SLC67A1: variants seen among roughly 807,000 people sequenced by gnomAD.
SLC67A1 encodes solute carrier family 67 member A1.
At chr11:2,912,738 G>A in the SLC67A1 span, among the ~76,000 whole-genome samples, 2 of 152,198 alleles carry the variant, frequency 1.3e-5, no homozygotes, top group South Asian at 2.1e-4. Flanking sequence ...CTGCACACAC[G>A]CTGGGTGGGG....
chr11:2,913,873 A>T, the SLC67A1 span, among the ~76,000 whole-genome samples: 3 of 152,156 alleles, frequency 2.0e-5, no homozygotes, highest in Non-Finnish European at 4.4e-5. Flanking sequence ...AGAAGCCCAG[A>T]CTTCAGCAGA....
At chr11:2,907,522 G>T in the SLC67A1 span, among the ~76,000 whole-genome samples, 1 of 152,166 alleles carries the variant, frequency 6.6e-6, no homozygotes, top group South Asian at 2.1e-4. The surrounding 1 kb of genome is among the most constrained non-coding windows in gnomAD (Gnocchi z 6.7). Flanking sequence ...TTAGATCAGG[G>T]CCCTCCCTCA....
the SLC67A1 span, chr11:2,925,199 C>G: frequency 6.2e-7 from 1 of 1,611,728 alleles, no homozygotes; most frequent in African/African-American, 1.3e-5. The surrounding 1 kb of genome is among the most constrained non-coding windows in gnomAD (Gnocchi z 6.5). Flanking sequence ...GTCCGGTGAC[C>G]GCTGCCCAGA....
chr11:2,902,391 G>T, the SLC67A1 span: 277 of 161,358 alleles, frequency 1.7e-3, no homozygotes, highest in Middle Eastern at 9.4e-3. Context: ...CGGAGAGGGC[G>T]GCCTCTGAGC....
chr11:2,904,914 G>A, the SLC67A1 span, among the ~76,000 whole-genome samples: 3 of 152,194 alleles, frequency 2.0e-5, no homozygotes, highest in Admixed American at 1.3e-4. Context: ...AAAGAACTCC[G>A]GGCTGGTGAT....
the SLC67A1 span, chr11:2,903,075 C>T: frequency 1.5e-5 from 9 of 605,948 alleles, no homozygotes; most frequent in East Asian, 1.4e-4. Flanking sequence ...CCCTGTCTCC[C>T]CTCCCCGGGA....
At chr11:2,909,226 G>A in the SLC67A1 span, 8 of 1,539,228 alleles carry the variant, frequency 5.2e-6, no homozygotes, top group Non-Finnish European at 7.0e-6. Flanking sequence ...CGCGGGCGGC[G>A]CTCACGCTCT....
chr11:2,908,110 AC>A, the SLC67A1 span: 1 of 655,784 alleles, frequency 1.5e-6, no homozygotes, highest in African/African-American at 1.8e-5. Flanking sequence ...CGATGGTCAT[AC>A]TGTGCAGTCA....
At chr11:2,903,028 C>T in the SLC67A1 span, 1 of 371,738 alleles carries the variant, frequency 2.7e-6, no homozygotes, top group East Asian at 5.0e-5. Flanking sequence ...AGGCACTGAG[C>T]CTGGCCCACC....
chr11:2,903,353 G>A, the SLC67A1 span: 4 of 1,612,840 alleles, frequency 2.5e-6, no homozygotes, highest in Non-Finnish European at 3.4e-6. Context: ...AGGATGCAGG[G>A]AGCTCGGGCT....
the SLC67A1 span, chr11:2,922,163 G>A: frequency 3.4e-4 from 549 of 1,613,618 alleles, 2 homozygotes; most frequent in African/African-American, 5.0e-3. Flanking sequence ...GTGCTGCTCC[G>A]GGCCAGCGTG....
chr11:2,903,089 T>G, the SLC67A1 span: 1 of 700,602 alleles, frequency 1.4e-6, no homozygotes. Context: ...CCCGGGAGGC[T>G]GTGTGCCTGG....
chr11:2,924,991 A>AC, the SLC67A1 span: 4 of 1,590,774 alleles, frequency 2.5e-6, no homozygotes, highest in East Asian at 2.2e-5. This position sits in a 1 kb window ranked among gnomAD's most constrained non-coding sequence, Gnocchi z 8.6. Context: ...GGGCCTGACT[A>AC]CCCCCATGCA....
chr11:2,911,688 C>T, the SLC67A1 span, among the ~76,000 whole-genome samples: 1 of 152,146 alleles, frequency 6.6e-6, no homozygotes, highest in African/African-American at 2.4e-5. Flanking sequence ...TGCCCTTACT[C>T]ACCCACAACG....
chr11:2,911,711 T>C, the SLC67A1 span, among the ~76,000 whole-genome samples: 1 of 151,882 alleles, frequency 6.6e-6, no homozygotes, highest in African/African-American at 2.4e-5. Flanking sequence ...GCTGGGAGGG[T>C]CCGAGCTCGC....
chr11:2,922,416 GC>G, the SLC67A1 span: 2 of 1,606,226 alleles, frequency 1.2e-6, no homozygotes, highest in Admixed American at 3.4e-5. Flanking sequence ...ACTCAGCTCG[GC>G]CCCCGCCTGC....
chr11:2,921,943 G>C, the SLC67A1 span: 45 of 668,980 alleles, frequency 6.7e-5, 1 homozygote, highest in East Asian at 1.1e-3. Flanking sequence ...AGTAGGGAGA[G>C]ACCCCGGGGC....
At chr11:2,903,302 C>G in the SLC67A1 span, 1 of 1,595,070 alleles carries the variant, frequency 6.3e-7, no homozygotes, top group Non-Finnish European at 8.6e-7. Flanking sequence ...CCGCCAGCCT[C>G]CTGCTTGGAT....
chr11:2,900,679 C>T, the SLC67A1 span, among the ~76,000 whole-genome samples: 157 of 88,010 alleles, frequency 1.8e-3, no homozygotes, highest in Non-Finnish European at 2.8e-3. Flanking sequence ...GGTGACAGAG[C>T]AAGACTCCGT....
Sources: gnomAD v4.1 joint callset for allele counts (sites outside exome capture counted in the v4.1 genomes callset) on GRCh38, gnomAD v4.1.1 for gene constraint, Gnocchi (gnomAD v3.1) non-coding constraint, MANE v1.5 for transcripts, NCBI Gene and HGNC (gene_info 2026-07-23, HGNC 2026-07-21) for gene names.